The following DCLK2 variants were observed in gnomAD, a reference collection of about 807,000 sequenced individuals.
The protein encoded by DCLK2 is doublecortin like kinase 2, also known as serine/threonine-protein kinase DCLK2.
Under a neutral mutation model 78.4 loss-of-function variants are expected in DCLK2, and 31 were observed. That is an observed-to-expected ratio of 0.40 (90% CI 0.30 to 0.53). DCLK2 has a LOEUF of 0.53. Among genes scored for constraint, DCLK2 ranks in the 20% least tolerant of loss-of-function variants. The pLI is 0.61. For missense variants in DCLK2, 872 were observed against 973.7 expected, an observed-to-expected ratio of 0.90 and a Z score of 1.39; for synonymous variants, 407 against 374.9, an observed-to-expected ratio of 1.09 and a Z score of -0.99.
At chr4:150,222,477 A>G (rs552689110) in intron 7 of DCLK2, among the ~76,000 whole-genome samples, 78 of 152,064 alleles carry the variant, frequency 5.1e-4, no homozygotes, top group African/African-American at 1.6e-3. Context: ...CCCTACAGCA[A>G]TCCTCCCTCT....
At chr4:150,108,597 T>A (rs895995438) in intron 2 of DCLK2, among the ~76,000 whole-genome samples, 1 of 151,974 alleles carries the variant, frequency 6.6e-6, no homozygotes, top group Non-Finnish European at 1.5e-5. Flanking sequence ...TCTTGCACTT[T>A]TAAGTTAAAG....
intron 2 of DCLK2, among the ~76,000 whole-genome samples, chr4:150,191,755 G>T (rs969980411): frequency 7.2e-5 from 11 of 152,092 alleles, no homozygotes; most frequent in African/African-American, 2.7e-4. Flanking sequence ...TCTTGGCATT[G>T]CAAAAAGGCA....
intron 15 of DCLK2, chr4:150,253,247 A>G (rs1252301362): frequency 1.9e-6 from 1 of 535,508 alleles, no homozygotes; most frequent in Admixed American, 2.0e-5. Context: ...TGTGGGGCCA[A>G]CCTGGTTTTC....
intron 5 of DCLK2, among the ~76,000 whole-genome samples, chr4:150,214,148 A>G (rs1740509788): frequency 6.6e-6 from 1 of 152,244 alleles, no homozygotes; most frequent in East Asian, 1.9e-4. Context: ...TGCAGTGGTT[A>G]GAGTGACAGA....
rs1230955157 is a variant in DCLK2, at chr4:150,256,489, G to A, written c.*242G>A. 39 of 488,044 alleles carry A rather than the reference G, an allele frequency of 8.0e-5. No individual in the cohort carries two copies. The highest frequency in any genetic ancestry group is 1.2e-4 in the Non-Finnish European group (33 of 282,220). 30.2% of individuals were successfully genotyped at this position (488,044 alleles called of 1,614,324 possible). A position where few individuals can be genotyped will look rare whatever the true frequency, so the allele number is the denominator to read the frequency against. ...GCATCCGTTCTGCCAACAGCTGTTC[G>A]GAGAGACTCGTTCCAGATCATCCCG... On this transcript the variant is annotated 3_prime_UTR_variant, in exon 16 of 16. Transcript: ENST00000296550.
chr4:150,194,217 CG>C (rs1738692551), intron 3 of DCLK2, among the ~76,000 whole-genome samples: 1 of 152,102 alleles, frequency 6.6e-6, no homozygotes, highest in African/African-American at 2.4e-5. Flanking sequence ...CGTTGTGTTA[CG>C]GTTGCCTACA....
intron 2 of DCLK2, among the ~76,000 whole-genome samples, chr4:150,104,422 A>AAAAAAAAAAAAAAC (rs1731105646): frequency 7.1e-6 from 1 of 141,182 alleles, no homozygotes; most frequent in Non-Finnish European, 1.6e-5. Flanking sequence ...AAAAAAAAAA[A>AAAAAAAAAAAAAAC]ATCGAGCATC....
chr4:150,206,461 G>C (rs1001527863), intron 5 of DCLK2, among the ~76,000 whole-genome samples: 1 of 152,052 alleles, frequency 6.6e-6, no homozygotes, highest in Non-Finnish European at 1.5e-5. Flanking sequence ...ACAAAGAACA[G>C]TTGTCTTTCC....
At chr4:150,084,130 C>A (rs1357266970) in intron 1 of DCLK2, among the ~76,000 whole-genome samples, 3 of 152,284 alleles carry the variant, frequency 2.0e-5, no homozygotes, top group African/African-American at 7.2e-5. Flanking sequence ...CTGCTTACAG[C>A]ATTTTTCTTT....
intron 2 of DCLK2, among the ~76,000 whole-genome samples, chr4:150,110,761 A>G (rs1731629332): frequency 6.6e-6 from 1 of 152,128 alleles, no homozygotes; most frequent in South Asian, 2.1e-4. Context: ...CTGAGTTACT[A>G]CAGGTAGAAG....
intron 8 of DCLK2, 86 bp from the exon 9 acceptor site, chr4:150,232,251 C>T: frequency 3.3e-6 from 5 of 1,500,010 alleles, no homozygotes; most frequent in Non-Finnish European, 4.5e-6. Flanking sequence ...GATCCACAGG[C>T]TGTGTTTGTT....
chr4:150,119,000 C>A (rs551577107), intron 2 of DCLK2, among the ~76,000 whole-genome samples: 1 of 151,422 alleles, frequency 6.6e-6, no homozygotes, highest in Non-Finnish European at 1.5e-5. Flanking sequence ...ACTCCAGCCT[C>A]GACAACAGTT....
intron 2 of DCLK2, among the ~76,000 whole-genome samples, chr4:150,123,615 C>G (rs919825245): frequency 6.6e-6 from 1 of 152,174 alleles, no homozygotes. Context: ...TGCCAGCGAA[C>G]TTGCCTCATA....
chr4:150,108,119 T>C (rs997979454), intron 2 of DCLK2, among the ~76,000 whole-genome samples: 5 of 152,202 alleles, frequency 3.3e-5, no homozygotes, highest in Non-Finnish European at 7.4e-5. Flanking sequence ...AAACATGATC[T>C]GTAAAGAGGA....
Position 150,131,007 on chromosome 4 carries a change from C to G in DCLK2, c.756+28195C>G, listed in dbSNP as rs191521630. 1.8e-3 allele frequency among the ~76,000 whole-genome samples: 278 copies of G among 152,216 alleles called. 2 individuals are homozygous for G. Among genetic ancestry groups the G allele is most frequent in the African/African-American group, 6.4e-3 (265 of 41,522 alleles). ...GGAAATATCAAGGACCAAAAGTATG[C>G]TGCTACAATGATTTGATCATTTTGT... On this transcript the variant is annotated intron_variant, in intron 2 of 15. Coordinates refer to ENST00000296550, the MANE Select transcript of DCLK2 (RefSeq NM_001040260.4).
chr4:150,173,309 A>G (rs915134587), intron 2 of DCLK2, among the ~76,000 whole-genome samples: 3 of 152,058 alleles, frequency 2.0e-5, no homozygotes, highest in African/African-American at 7.2e-5. Flanking sequence ...ATAGTCTCTG[A>G]CTTTTGGACA....
At chr4:150,255,158 C>T (rs1196605528) in intron 15 of DCLK2, among the ~76,000 whole-genome samples, 2 of 152,190 alleles carry the variant, frequency 1.3e-5, no homozygotes, top group Non-Finnish European at 1.5e-5. Flanking sequence ...ATCTTTAGTG[C>T]ATTTTCCCCT....
At chr4:150,128,131 A>G (rs755545496) in intron 2 of DCLK2, among the ~76,000 whole-genome samples, 22 of 152,140 alleles carry the variant, frequency 1.4e-4, no homozygotes, top group Admixed American at 2.6e-4. Context: ...AGGGTGGGGT[A>G]TGCTACTGGC....
chr4:150,187,759 C>T (rs905094173), intron 2 of DCLK2, among the ~76,000 whole-genome samples: 1 of 151,952 alleles, frequency 6.6e-6, no homozygotes, highest in African/African-American at 2.4e-5. Context: ...GAGATATGTC[C>T]CTGTCCCGAG....
Sources: allele counts gnomAD v4.1 joint callset (sites outside exome capture counted in the v4.1 genomes callset), GRCh38; gene constraint gnomAD v4.1.1; transcripts MANE v1.5; gene names NCBI Gene and HGNC (gene_info 2026-07-23, HGNC 2026-07-21).